LMX1A: variants seen among roughly 807,000 people sequenced by gnomAD.
LMX1A encodes the protein LIM homeobox transcription factor 1 alpha.
LMX1A carries 15 observed loss-of-function variants against 49.1 expected under a neutral mutation model. That is an observed-to-expected ratio of 0.31 (90% CI 0.20 to 0.47). The LOEUF is 0.47. LMX1A is among the 20% of genes least tolerant of loss of function. The pLI, the probability that LMX1A is intolerant of heterozygous loss-of-function variation, is 1.00. For missense variants in LMX1A, 372 were observed against 475.8 expected (o/e 0.78, Z 2.03); for synonymous variants, 167 against 185.7 (o/e 0.90, Z 0.82).
chr1:165,307,797 A>G (rs1251054756), intron 3 of LMX1A, among the ~76,000 whole-genome samples: 1 of 152,250 alleles, frequency 6.6e-6, no homozygotes, highest in East Asian at 1.9e-4. Flanking sequence ...ATGAGTTATT[A>G]GCATGACCGT....
At chr1:165,333,976 G>A (rs34913941) in intron 3 of LMX1A, among the ~76,000 whole-genome samples, 11,352 of 152,232 alleles carry the variant, frequency 0.075, 614 homozygotes, top group South Asian at 0.2. Context: ...ACAACCACCT[G>A]TGACATAAAT....
intron 3 of LMX1A, among the ~76,000 whole-genome samples, chr1:165,308,307 G>C (rs1654979158): frequency 6.6e-6 from 1 of 152,180 alleles, no homozygotes; most frequent in African/African-American, 2.4e-5. Flanking sequence ...AAGCTTTGTG[G>C]CCAAGTCACA....
At chr1:165,261,098 AG>A (rs1235292675) in intron 3 of LMX1A, among the ~76,000 whole-genome samples, 1 of 152,224 alleles carries the variant, frequency 6.6e-6, no homozygotes, top group Admixed American at 6.5e-5. Context: ...ACAGAAGCTC[AG>A]GGTCCTGAAT....
At chr1:165,321,171 T>C (rs1325945757) in intron 3 of LMX1A, among the ~76,000 whole-genome samples, 1 of 152,198 alleles carries the variant, frequency 6.6e-6, no homozygotes, top group Admixed American at 6.5e-5. Context: ...ATTTCATTTA[T>C]GTGAAATGTC....
At chr1:165,312,663 C>T (rs1395222068) in intron 3 of LMX1A, among the ~76,000 whole-genome samples, 2 of 152,196 alleles carry the variant, frequency 1.3e-5, no homozygotes, top group East Asian at 3.8e-4. Context: ...TAGCCAACAT[C>T]CCCAGCCGAG....
intron 3 of LMX1A, among the ~76,000 whole-genome samples, chr1:165,289,688 T>G (rs1276807855): frequency 6.6e-6 from 1 of 152,098 alleles, no homozygotes; most frequent in Non-Finnish European, 1.5e-5. Context: ...GAGAGCTGAG[T>G]CTGGTTGGAG....
At chr1:165,280,913 T>TG (rs1654127909) in intron 3 of LMX1A, among the ~76,000 whole-genome samples, 1 of 151,904 alleles carries the variant, frequency 6.6e-6, no homozygotes, top group African/African-American at 2.4e-5. Context: ...TAACAGTCAA[T>TG]GGGGGGCAGA....
Position 165,201,964 on chromosome 1 carries a change from C to T in LMX1A, c.*1916G>A, listed in dbSNP as rs780944734. 4 of 152,348 alleles carry T rather than the reference C, an allele frequency of 2.6e-5. No individual in the cohort carries two copies. The highest frequency in any genetic ancestry group is 4.4e-5 in the Non-Finnish European group (3 of 68,024). The allele number at this position is 152,348 out of a possible 1,614,324, so 9.4% of individuals were successfully genotyped here. ...ACTCACATAGTATCTCCTACATTCT[C>T]CAACTGGTCTTTACCACAGAAACCT... On this transcript the variant is annotated 3_prime_UTR_variant, in exon 9 of 9. Transcript: ENST00000342310.
At chr1:165,332,342 GAGAT>G (rs527652415) in intron 3 of LMX1A, among the ~76,000 whole-genome samples, 178 of 152,140 alleles carry the variant, frequency 1.2e-3, no homozygotes, top group Middle Eastern at 6.8e-3. Context: ...TTAAAAGAAA[GAGAT>G]AGAATGTCAG....
At chr1:165,294,977 A>T (rs1455532966) in intron 3 of LMX1A, among the ~76,000 whole-genome samples, 1 of 152,184 alleles carries the variant, frequency 6.6e-6, no homozygotes, top group African/African-American at 2.4e-5. Flanking sequence ...AGAAAAAAAA[A>T]ATCACACGCA....
Position 165,355,709 on chromosome 1 carries a change from G to A in LMX1A, c.-22-128C>T. On this transcript the variant is annotated intron_variant, in intron 1 of 8. Transcript: ENST00000342310. This position sits in a 1 kb window ranked among gnomAD's most constrained non-coding sequence, Gnocchi z 4.7. ...GACCAGAATCAGCCAGGAGGATAGG[G>A]TCCAGCCAAGAGAATGTAGGGTGGG... 1.5e-6 allele frequency: 1 copy of A among 676,594 alleles called. No individual in the cohort carries two copies. The highest frequency in any genetic ancestry group is 2.4e-5 in the Admixed American group (1 of 40,968). 41.9% of individuals were successfully genotyped at this position (676,594 alleles called of 1,614,324 possible). A position where few individuals can be genotyped will look rare whatever the true frequency, so the allele number is the denominator to read the frequency against.
At chr1:165,264,351 C>A (rs1169483923) in intron 3 of LMX1A, among the ~76,000 whole-genome samples, 3 of 152,118 alleles carry the variant, frequency 2.0e-5, no homozygotes, top group Non-Finnish European at 4.4e-5. Flanking sequence ...CCCTGTGAAA[C>A]AGGATTCTTG....
At chr1:165,287,082 G>A (rs1166036005) in intron 3 of LMX1A, among the ~76,000 whole-genome samples, 2 of 152,136 alleles carry the variant, frequency 1.3e-5, no homozygotes, top group African/African-American at 4.8e-5. Flanking sequence ...CCCCTATTAT[G>A]CTTGATAATA....
chr1:165,214,642 C>A (rs986258188), intron 4 of LMX1A, among the ~76,000 whole-genome samples: 1 of 152,186 alleles, frequency 6.6e-6, no homozygotes, highest in South Asian at 2.1e-4. Context: ...TAGACCTAGA[C>A]ACTATGTCTG....
intron 3 of LMX1A, among the ~76,000 whole-genome samples, chr1:165,317,759 A>C (rs1207309561): frequency 1.3e-5 from 2 of 152,340 alleles, no homozygotes; most frequent in Admixed American, 6.5e-5. Context: ...ATTTCTTGAG[A>C]GCTCTCACCG....
intron 3 of LMX1A, among the ~76,000 whole-genome samples, chr1:165,251,083 C>CT (rs36006799): frequency 0.16 from 23,302 of 143,572 alleles, 2,146 homozygotes; most frequent in African/African-American, 0.26. Flanking sequence ...TATTGAATGG[C>CT]TTTTTTTTTT....
At chr1:165,215,520 A>C (rs1283195613) in intron 4 of LMX1A, among the ~76,000 whole-genome samples, 1 of 152,158 alleles carries the variant, frequency 6.6e-6, no homozygotes, top group African/African-American at 2.4e-5. Flanking sequence ...ACTGTGTGTG[A>C]GCTACACATC....
At chr1:165,338,623 C>T (rs984300311) in intron 3 of LMX1A, among the ~76,000 whole-genome samples, 30 of 152,350 alleles carry the variant, frequency 2.0e-4, no homozygotes, top group African/African-American at 6.7e-4. Flanking sequence ...ACCCAAGTCT[C>T]CCTTCTAGCT....
intron 3 of LMX1A, among the ~76,000 whole-genome samples, chr1:165,347,299 C>T (rs1656280508): frequency 6.6e-6 from 1 of 152,208 alleles, no homozygotes; most frequent in Non-Finnish European, 1.5e-5. Flanking sequence ...TCTGAAAAGG[C>T]CACTGGCAGT....
Sources: allele counts gnomAD v4.1 joint callset (sites outside exome capture counted in the v4.1 genomes callset), GRCh38; gene constraint gnomAD v4.1.1; non-coding constraint Gnocchi (gnomAD v3.1); transcripts MANE v1.5; gene names NCBI Gene and HGNC (gene_info 2026-07-23, HGNC 2026-07-21).